The following ADAMTSL1 variants were observed in gnomAD, a reference collection of about 807,000 sequenced individuals.
ADAMTSL1 encodes ADAMTS like 1.
Under a neutral mutation model 201.8 loss-of-function variants are expected in ADAMTSL1, and 126 were observed. That is an observed-to-expected ratio of 0.62 (90% CI 0.54 to 0.72). The LOEUF (loss-of-function observed/expected upper bound fraction) is 0.72. Ranked by LOEUF, ADAMTSL1 falls within the 30% of genes least tolerant of loss-of-function variation. The pLI is 0.00. For synonymous variants in ADAMTSL1, 1,121 were observed against 903.4 expected, an observed-to-expected ratio of 1.24 and a Z score of -4.32; for missense variants, 2,679 against 2,277.8, an observed-to-expected ratio of 1.18 and a Z score of -3.59.
At chr9:18,313,608 C>G (rs938128082) in intron 2 of ADAMTSL1, among the ~76,000 whole-genome samples, 13 of 152,042 alleles carry the variant, frequency 8.6e-5, no homozygotes, top group African/African-American at 2.7e-4. Context: ...AATCAGATAT[C>G]TACATGCAAA....
At chr9:18,412,201 C>T (rs964494043) in intron 2 of ADAMTSL1, among the ~76,000 whole-genome samples, 13 of 152,224 alleles carry the variant, frequency 8.5e-5, no homozygotes, top group South Asian at 2.1e-4. Context: ...ATTTAGGTTC[C>T]GTTTTTCCGG....
intron 3 of ADAMTSL1, among the ~76,000 whole-genome samples, chr9:18,565,006 GA>G (rs1285206273): frequency 6.6e-6 from 1 of 151,962 alleles, no homozygotes; most frequent in Non-Finnish European, 1.5e-5. Flanking sequence ...CTACCCAGAG[GA>G]AAAAAATGAA....
At chr9:17,923,083 C>T (rs1352136813) in intron 1 of ADAMTSL1, among the ~76,000 whole-genome samples, 2 of 152,138 alleles carry the variant, frequency 1.3e-5, no homozygotes, top group African/African-American at 4.8e-5. Context: ...GTGATTCCTC[C>T]AGCTTTGTTC....
intron 2 of ADAMTSL1, among the ~76,000 whole-genome samples, chr9:18,403,596 G>T (rs879506055): frequency 2.0e-5 from 3 of 152,076 alleles, no homozygotes; most frequent in Non-Finnish European, 4.4e-5. Flanking sequence ...CACTAAATAG[G>T]TGTTTAATGC....
At chr9:18,438,805 C>T (rs1819867452) in intron 2 of ADAMTSL1, among the ~76,000 whole-genome samples, 1 of 152,144 alleles carries the variant, frequency 6.6e-6, no homozygotes, top group African/African-American at 2.4e-5. Context: ...GCCCCTCTCG[C>T]TCACCCTCAC....
intron 1 of ADAMTSL1, among the ~76,000 whole-genome samples, chr9:17,965,467 T>C (rs1817947543): frequency 6.6e-6 from 1 of 152,204 alleles, no homozygotes; most frequent in Admixed American, 6.5e-5. Flanking sequence ...ATTCCATCTA[T>C]GTTAATTACT....
rs1830467333 is a variant in ADAMTSL1 at position 18,909,000 on chromosome 9, C to T, written c.*452C>T. Reference sequence around the variant, plus strand: ...ACAGGAGTGTTTTGCTCCTTTGTCTCCTCTTCCCCATCTATGTCCCTTTAG... The same window carrying T: ...ACAGGAGTGTTTTGCTCCTTTGTCTTCTCTTCCCCATCTATGTCCCTTTAG... On this transcript the variant is annotated 3_prime_UTR_variant, in exon 29 of 29. Transcript: ENST00000380548. 6.2e-6 allele frequency: 1 copy of T among 161,846 alleles called. No individual in the cohort carries two copies. Among genetic ancestry groups the T allele is most frequent in the Admixed American group, 5.7e-5 (1 of 17,484 alleles). 10.0% of individuals were successfully genotyped at this position (161,846 alleles called of 1,614,324 possible).
rs535102005 is a variant in ADAMTSL1, at chr9:18,207,608, T to G, written c.207+43627T>G. ...GAAGATAAGAAGTTAAACTCTTTAA[T>G]GCAGATGAAAAGGTGAATCCATGGT... On this transcript the variant is annotated intron_variant, in intron 2 of 29. Transcript: ENST00000680146. 5.9e-5 allele frequency among the ~76,000 whole-genome samples: 9 copies of G among 152,328 alleles called. No homozygotes were observed. In the East Asian group the frequency reaches 1.7e-3, roughly 29 times the overall value.
intron 13 of ADAMTSL1, among the ~76,000 whole-genome samples, chr9:18,690,899 C>G (rs1831172959): frequency 6.6e-6 from 1 of 152,166 alleles, no homozygotes. Context: ...TTCACACCTC[C>G]TAATGATGGA....
intron 7 of ADAMTSL1, among the ~76,000 whole-genome samples, chr9:18,650,276 T>A (rs1292021229): frequency 1.3e-5 from 2 of 152,204 alleles, no homozygotes; most frequent in East Asian, 3.9e-4. Flanking sequence ...GTGACCCGAT[T>A]TTCCAGGTGC....
chr9:18,521,999 T>C, intron 2 of ADAMTSL1, among the ~76,000 whole-genome samples: 1 of 152,188 alleles, frequency 6.6e-6, no homozygotes, highest in East Asian at 1.9e-4. Context: ...GAACCACAGA[T>C]GAAGACAGTG....
intron 5 of ADAMTSL1, among the ~76,000 whole-genome samples, chr9:18,630,600 G>A (rs1337055085): frequency 6.6e-6 from 1 of 152,038 alleles, no homozygotes; most frequent in Non-Finnish European, 1.5e-5. Flanking sequence ...CTCTATCAAG[G>A]CAGTAAGCTG....
intron 1 of ADAMTSL1, among the ~76,000 whole-genome samples, chr9:17,983,063 T>TC (rs1818779906): frequency 1.3e-5 from 1 of 77,128 alleles, no homozygotes; most frequent in African/African-American, 3.8e-5. Context: ...TTCTTTTCTT[T>TC]CTTTCTTTCT....
intron 3 of ADAMTSL1, among the ~76,000 whole-genome samples, chr9:18,539,247 A>G (rs1264431570): frequency 6.6e-6 from 1 of 152,218 alleles, no homozygotes; most frequent in African/African-American, 2.4e-5. Flanking sequence ...TAGGGATATC[A>G]GGAGTTGCCA....
chr9:18,764,156 C>T (rs991551957), intron 16 of ADAMTSL1, among the ~76,000 whole-genome samples: 1 of 152,010 alleles, frequency 6.6e-6, no homozygotes, highest in African/African-American at 2.4e-5. Context: ...TTTTGATGTT[C>T]TCTTCAATTT....
chr9:18,484,689 C>T (rs530302822), intron 1 of ADAMTSL1, among the ~76,000 whole-genome samples: 1 of 152,284 alleles, frequency 6.6e-6, no homozygotes, highest in South Asian at 2.1e-4. Context: ...GGTTTGCTAA[C>T]TTCAGTTTGC....
intron 2 of ADAMTSL1, among the ~76,000 whole-genome samples, chr9:18,311,197 C>G (rs986379494): frequency 2.0e-5 from 3 of 151,698 alleles, no homozygotes; most frequent in Non-Finnish European, 4.4e-5. Context: ...CATACTGAGG[C>G]CTGTCAGGGG....
At chr9:18,894,345 C>CTTTTTTTTTTTTTT in intron 26 of ADAMTSL1, among the ~76,000 whole-genome samples, 2 of 124,032 alleles carry the variant, frequency 1.6e-5, no homozygotes, top group Non-Finnish European at 3.2e-5. Flanking sequence ...AAAACCTTGT[C>CTTTTTTTTTTTTTT]TTTTTTTTTT....
chr9:18,453,739 C>A (rs1364463165), intron 2 of ADAMTSL1, among the ~76,000 whole-genome samples: 1 of 152,072 alleles, frequency 6.6e-6, no homozygotes, highest in African/African-American at 2.4e-5. Flanking sequence ...ATTTCTTGGC[C>A]ACTTATAAGT....
Sources: allele counts gnomAD v4.1 joint callset (sites outside exome capture counted in the v4.1 genomes callset), GRCh38; gene constraint gnomAD v4.1.1; transcripts MANE v1.5; gene names NCBI Gene and HGNC (gene_info 2026-07-23, HGNC 2026-07-21).